Variants in CFAP221 observed in about 807,000 individuals in gnomAD.
The protein encoded by CFAP221 is cilia- and flagella-associated protein 221.
In CFAP221, 97 loss-of-function variants were observed where a neutral mutation model predicts 113.1. The ratio of observed to expected loss-of-function variants is 0.86; its 90% CI spans 0.73 to 1.02. The LOEUF is 1.02. CFAP221 is among the 50% of genes least tolerant of loss of function. CFAP221 has a pLI of 0.00. For synonymous variants in CFAP221, 331 were observed against 354.4 expected (o/e 0.93, Z 0.74); for missense variants, 1,025 against 1,013.4 (o/e 1.01, Z -0.16).
intron 13 of CFAP221, among the ~76,000 whole-genome samples, chr2:119,613,867 G>A (rs1336154033): frequency 6.6e-6 from 1 of 152,176 alleles, no homozygotes; most frequent in Non-Finnish European, 1.5e-5. Context: ...TCATCATGCT[G>A]CTAATTTTCC....
chr2:119,561,945 C>A, intron 5 of CFAP221, 69 bp from the exon 6 acceptor site: 2 of 955,860 alleles, frequency 2.1e-6, no homozygotes, highest in Non-Finnish European at 3.1e-6. Context: ...AGAAATAAAG[C>A]ATCTACAAGT....
chr2:119,590,030 T>C lies in CFAP221; in HGVS notation c.631+2808T>C, dbSNP rs1484750691. The C allele has an allele frequency of 2.6e-5, 4 of 152,226 alleles. No individual in the cohort carries two copies. The East Asian group carries it at 7.7e-4, about 29-fold the overall frequency. 9.4% of individuals were successfully genotyped at this position (152,226 alleles called of 1,614,324 possible). ...CAGGCAAATGCCACAAAAAAATTGTTGAACTTGTCTACTTGTCACTATTTT... is the reference window on the plus strand; with the variant it reads ...CAGGCAAATGCCACAAAAAAATTGTCGAACTTGTCTACTTGTCACTATTTT... On this transcript the variant is annotated intron_variant, in intron 7 of 23. Coordinates refer to ENST00000413369, the MANE Select transcript of CFAP221 (RefSeq NM_001271049.2).
At chr2:119,638,129 G>A in intron 19 of CFAP221, 130 bp from the exon 20 acceptor site, 1 of 887,460 alleles carries the variant, frequency 1.1e-6, no homozygotes, top group Non-Finnish European at 1.7e-6. Flanking sequence ...CTCTTTTCCA[G>A]ACAAGCTGAC....
intron 15 of CFAP221, chr2:119,625,912 T>A: frequency 1.9e-6 from 1 of 531,656 alleles, no homozygotes. Flanking sequence ...TGGCTGAATA[T>A]GGTATTTTCT....
At chr2:119,550,991 C>T (rs773136424) in intron 3 of CFAP221, among the ~76,000 whole-genome samples, 15 of 152,148 alleles carry the variant, frequency 9.9e-5, no homozygotes, top group Non-Finnish European at 1.8e-4. Flanking sequence ...TTCATATGAA[C>T]GCAATCATAC....
chr2:119,638,197 G>C lies in CFAP221; in HGVS notation c.1975-62G>C, dbSNP rs72965047. On this transcript the variant is annotated intron_variant, in intron 19 of 23. Transcript: ENST00000413369. ...CCACAGACAGCATTAGCTGATGCCT[G>C]TCCTATGCCTGGCTTAGAAACTGGT... 4.3e-3 allele frequency: 6,759 copies of C among 1,559,840 alleles called. 214 individuals carry two copies. In the African/African-American group the frequency reaches 0.075, roughly 17 times the overall value.
intron 21 of CFAP221, among the ~76,000 whole-genome samples, chr2:119,646,174 T>G (rs902233553): frequency 6.6e-6 from 1 of 152,184 alleles, no homozygotes; most frequent in African/African-American, 2.4e-5. Context: ...TGGAATAGAA[T>G]GTCTAAGAAG....
chr2:119,594,977 A>G (rs1442051466), intron 7 of CFAP221, among the ~76,000 whole-genome samples: 2 of 152,196 alleles, frequency 1.3e-5, no homozygotes, highest in Non-Finnish European at 2.9e-5. Context: ...AACATCTCCC[A>G]TCTCTGCTCA....
chr2:119,546,521 T>C (rs1454838217), intron 2 of CFAP221, among the ~76,000 whole-genome samples: 4 of 152,206 alleles, frequency 2.6e-5, no homozygotes, highest in East Asian at 1.9e-4. Flanking sequence ...CTGCTCCCCT[T>C]ATCTTGTTTC....
chr2:119,600,788 C>G (rs551157610), intron 7 of CFAP221, among the ~76,000 whole-genome samples: 1 of 152,272 alleles, frequency 6.6e-6, no homozygotes, highest in South Asian at 2.1e-4. Context: ...CCTCTTCTGC[C>G]TCTACCACCC....
chr2:119,603,778 CTATT>C (rs1684522854), intron 8 of CFAP221, among the ~76,000 whole-genome samples: 1 of 151,994 alleles, frequency 6.6e-6, no homozygotes, highest in African/African-American at 2.4e-5. Flanking sequence ...AAAAATATAA[CTATT>C]TAGATAAAAA....
At chr2:119,654,776 T>G (rs1228251272) in intron 23 of CFAP221, among the ~76,000 whole-genome samples, 3 of 152,220 alleles carry the variant, frequency 2.0e-5, no homozygotes, top group African/African-American at 7.2e-5. Flanking sequence ...ATTTACCTCT[T>G]TGGCAGGTAA....
intron 13 of CFAP221, 152 bp from the exon 14 acceptor site, chr2:119,615,459 A>G: frequency 1.6e-6 from 1 of 633,134 alleles, no homozygotes; most frequent in Non-Finnish European, 2.7e-6. Context: ...TGCTGTGTAC[A>G]CTAAAAGTGC....
At chr2:119,590,437 C>T (rs1683519127) in intron 7 of CFAP221, among the ~76,000 whole-genome samples, 1 of 152,180 alleles carries the variant, frequency 6.6e-6, no homozygotes, top group Non-Finnish European at 1.5e-5. Flanking sequence ...CATCCTCCAG[C>T]ATGAGCACAA....
At chr2:119,646,180 A>T (rs1490367326) in intron 21 of CFAP221, among the ~76,000 whole-genome samples, 1 of 152,232 alleles carries the variant, frequency 6.6e-6, no homozygotes, top group East Asian at 1.9e-4. Flanking sequence ...AGAATGTCTA[A>T]GAAGGAGTAT....
At chr2:119,553,214 G>T (rs997356626) in intron 3 of CFAP221, among the ~76,000 whole-genome samples, 31 of 152,306 alleles carry the variant, frequency 2.0e-4, no homozygotes, top group African/African-American at 6.7e-4. Flanking sequence ...TGGAGGAGAG[G>T]CCATTGGGGG....
intron 14 of CFAP221, among the ~76,000 whole-genome samples, chr2:119,620,967 G>GTAATCCCAGCACATTGGGAGGT (rs1186034170): frequency 6.6e-6 from 1 of 151,748 alleles, no homozygotes; most frequent in African/African-American, 2.4e-5. Context: ...GCTCATGCCT[G>GTAATCCCAGCACATTGGGAGGT]TAATCCCAGC....
chr2:119,597,736 G>A (rs186009743), intron 7 of CFAP221, among the ~76,000 whole-genome samples: 2 of 152,202 alleles, frequency 1.3e-5, no homozygotes, highest in African/African-American at 4.8e-5. Flanking sequence ...AATTTTCTGG[G>A]GTTTAAATAC....
intron 14 of CFAP221, among the ~76,000 whole-genome samples, chr2:119,619,556 G>T (rs919894705): frequency 6.6e-6 from 1 of 152,126 alleles, no homozygotes; most frequent in South Asian, 2.1e-4. Context: ...CAACAAGAAG[G>T]ATGTCCAAAC....
Sources: gnomAD v4.1 joint callset for allele counts (sites outside exome capture counted in the v4.1 genomes callset) on GRCh38, gnomAD v4.1.1 for gene constraint, MANE v1.5 for transcripts, NCBI Gene and HGNC (gene_info 2026-07-23, HGNC 2026-07-21) for gene names.